The following MICAL3 variants were observed in gnomAD, a reference collection of about 807,000 sequenced individuals.
MICAL3 encodes the protein [F-actin]-monooxygenase MICAL3.
Under a neutral mutation model 207.4 loss-of-function variants are expected in MICAL3, and 62 were observed. The ratio of observed to expected loss-of-function variants is 0.30; its 90% CI spans 0.24 to 0.37. The LOEUF (loss-of-function observed/expected upper bound fraction) is 0.37. Among genes scored for constraint, MICAL3 ranks in the 10% least tolerant of loss-of-function variants. The pLI is 1.00. For missense variants in MICAL3, 2,368 were observed against 2,635.6 expected (o/e 0.90, Z 2.22); for synonymous variants, 1,077 against 1,069.3 (o/e 1.01, Z -0.14).
At chr22:17,995,986 C>A (rs1350587457) in intron 1 of MICAL3, among the ~76,000 whole-genome samples, 3 of 151,528 alleles carry the variant, frequency 2.0e-5, no homozygotes, top group Non-Finnish European at 4.4e-5. Context: ...TGTGGCAAAA[C>A]CCCATCTCTA....
intron 16 of MICAL3, among the ~76,000 whole-genome samples, chr22:17,873,285 C>G (rs1388296595): frequency 6.6e-6 from 1 of 152,260 alleles, no homozygotes; most frequent in Non-Finnish European, 1.5e-5. Flanking sequence ...GCCTGCCTTT[C>G]ACGGTCCAGG....
intron 1 of MICAL3, chr22:18,019,441 T>G (rs1178203962): frequency 6.5e-6 from 1 of 152,974 alleles, no homozygotes; most frequent in East Asian, 1.9e-4. Context: ...ACGCCGGTAA[T>G]CCCGGCACTT....
intron 21 of MICAL3, among the ~76,000 whole-genome samples, chr22:17,830,832 G>A (rs1056213435): frequency 3.9e-5 from 6 of 152,212 alleles, no homozygotes; most frequent in Non-Finnish European, 7.3e-5. Context: ...GACGCCCAAC[G>A]GTGCGGTTCC....
At chr22:17,905,411 A>G (rs1300331184) in intron 2 of MICAL3, among the ~76,000 whole-genome samples, 1 of 152,066 alleles carries the variant, frequency 6.6e-6, no homozygotes, top group Non-Finnish European at 1.5e-5. Flanking sequence ...GAAAATCCAC[A>G]CTCCAGAGAA....
At chr22:17,799,661 GGGCGATGACAAACACCAT>G (rs903483159) in intron 29 of MICAL3, among the ~76,000 whole-genome samples, 15 of 152,306 alleles carry the variant, frequency 9.8e-5, no homozygotes, top group Admixed American at 9.8e-4. Context: ...CTAAAACCTC[GGGCGATGACAAACACCAT>G]GGCCCTGACA....
At chr22:17,899,173 T>C (rs1429695827) in intron 7 of MICAL3, 2 of 486,924 alleles carry the variant, frequency 4.1e-6, no homozygotes, top group Non-Finnish European at 7.6e-6. Context: ...GAAATATTAC[T>C]GACAGAACAC....
intron 27 of MICAL3, among the ~76,000 whole-genome samples, chr22:17,815,997 C>A (rs956552835): frequency 2.0e-5 from 3 of 152,200 alleles, no homozygotes; most frequent in African/African-American, 7.2e-5. Flanking sequence ...AGCCGGGTTG[C>A]CCCCAGCCAG....
intron 7 of MICAL3, 119 bp from the exon 8 acceptor site, chr22:17,897,100 A>C: frequency 8.8e-7 from 1 of 1,140,590 alleles, no homozygotes; most frequent in Non-Finnish European, 1.2e-6. Context: ...ACGTTCCAAA[A>C]CCAAAACTTT....
chr22:17,831,044 G>A (rs1922747333), intron 21 of MICAL3, among the ~76,000 whole-genome samples: 1 of 152,210 alleles, frequency 6.6e-6, no homozygotes, highest in African/African-American at 2.4e-5. Flanking sequence ...AGGGCCTGGG[G>A]TCACTGAGAA....
At chr22:17,880,094 A>G (rs1466261696) in intron 16 of MICAL3, among the ~76,000 whole-genome samples, 1 of 152,196 alleles carries the variant, frequency 6.6e-6, no homozygotes, top group Non-Finnish European at 1.5e-5. Flanking sequence ...GTGGAAAAAC[A>G]GCCCCAAGGC....
chr22:17,802,738 T>G (rs747052517), intron 29 of MICAL3, among the ~76,000 whole-genome samples: 1 of 152,044 alleles, frequency 6.6e-6, no homozygotes, highest in Non-Finnish European at 1.5e-5. Flanking sequence ...GGGGTCAGGG[T>G]AAAACACGAG....
chr22:18,000,473 C>T (rs2146486626), intron 1 of MICAL3, among the ~76,000 whole-genome samples: 1 of 152,358 alleles, frequency 6.6e-6, no homozygotes, highest in African/African-American at 2.4e-5. Context: ...GAGGCCTTGC[C>T]TGAGGGGCCT....
intron 27 of MICAL3, chr22:17,812,434 C>T: frequency 3.7e-6 from 3 of 813,448 alleles, no homozygotes; most frequent in African/African-American, 3.7e-5. Context: ...GGCTGGAGGG[C>T]CGGGGCCGGC....
chr22:17,810,353 G>A (rs571479800), intron 28 of MICAL3, among the ~76,000 whole-genome samples: 49 of 152,122 alleles, frequency 3.2e-4, no homozygotes, highest in Middle Eastern at 3.4e-3. Flanking sequence ...ATGAGCCACC[G>A]CACCCAGCCA....
chr22:17,918,985 C>T (rs538481215), intron 1 of MICAL3, among the ~76,000 whole-genome samples: 2 of 152,170 alleles, frequency 1.3e-5, no homozygotes, highest in South Asian at 2.1e-4. Flanking sequence ...TCCCTGGTCA[C>T]ATCGTTTAAA....
At chr22:17,912,233 G>A (rs544939691) in intron 1 of MICAL3, among the ~76,000 whole-genome samples, 5 of 152,232 alleles carry the variant, frequency 3.3e-5, no homozygotes, top group Non-Finnish European at 7.4e-5. Context: ...GTTTTGATTA[G>A]TATAGCTTTA....
At chr22:17,832,178 A>G in intron 20 of MICAL3, 71 bp from the exon 21 acceptor site, 2 of 1,514,358 alleles carry the variant, frequency 1.3e-6, no homozygotes, top group South Asian at 1.2e-5. Flanking sequence ...GGGAAGGGCC[A>G]CCATCAGAAA....
chr22:17,875,568 G>A (rs1262941116), intron 16 of MICAL3: 2 of 1,499,182 alleles, frequency 1.3e-6, no homozygotes, highest in Admixed American at 4.3e-5. Flanking sequence ...TAAAATACAA[G>A]ATGGAGAAAA....
intron 1 of MICAL3, among the ~76,000 whole-genome samples, chr22:17,949,461 G>A (rs889586177): frequency 6.6e-6 from 1 of 152,124 alleles, no homozygotes; most frequent in Non-Finnish European, 1.5e-5. Flanking sequence ...GACAAAGCAG[G>A]GAGAACTGCT....
Sources: gnomAD v4.1 joint callset for allele counts (sites outside exome capture counted in the v4.1 genomes callset) on GRCh38, gnomAD v4.1.1 for gene constraint, MANE v1.5 for transcripts, NCBI Gene and HGNC (gene_info 2026-07-23, HGNC 2026-07-21) for gene names.